Variants in RAD51 observed in about 807,000 individuals in gnomAD.
RAD51 encodes DNA repair protein RAD51 homolog 1.
In RAD51, 14 loss-of-function variants were observed where a neutral mutation model predicts 41.5. The ratio of observed to expected loss-of-function variants is 0.34; its 90% CI spans 0.22 to 0.53. RAD51 has a LOEUF of 0.53. Among genes scored for constraint, RAD51 ranks in the 20% least tolerant of loss-of-function variants. The pLI, the probability that RAD51 is intolerant of heterozygous loss-of-function variation, is 0.95. For missense variants in RAD51, 234 were observed against 422.0 expected, an observed-to-expected ratio of 0.55 and a Z score of 3.90; for synonymous variants, 136 against 148.6, an observed-to-expected ratio of 0.92 and a Z score of 0.62.
chr15:40,701,211 GCTTA>G lies in RAD51; in HGVS notation c.225+15_225+18del. 2 of 1,613,844 alleles carry G rather than the reference GCTTA, an allele frequency of 1.2e-6. No individual in the cohort carries two copies. The highest frequency in any genetic ancestry group is 1.7e-6 in the Non-Finnish European group (2 of 1,179,750). ...AGCTGATAAAATTCTGGTAAGTACT[GCTTA>G]CTTAACCTAGGGAGGCATTAGTGGG... On this transcript the variant is annotated intron_variant, in intron 3 of 9. Transcript: ENST00000267868.
chr15:40,702,757 A>G (rs868409561), intron 3 of RAD51, among the ~76,000 whole-genome samples: 5 of 151,034 alleles, frequency 3.3e-5, no homozygotes, highest in Middle Eastern at 3.5e-3. Flanking sequence ...GCCTCAAGCA[A>G]TCTGCCCACC....
chr15:40,700,994 G>C (rs1451547371), intron 2 of RAD51, 70 bp from the exon 3 acceptor site: 4 of 1,548,700 alleles, frequency 2.6e-6, no homozygotes, highest in Non-Finnish European at 3.5e-6. Context: ...GAAGTATGTA[G>C]GACACATAAC....
chr15:40,698,160 A>C (rs1043857634), intron 1 of RAD51, among the ~76,000 whole-genome samples: 3 of 145,288 alleles, frequency 2.1e-5, no homozygotes, highest in Non-Finnish European at 4.5e-5. Flanking sequence ...CCACTGTTCT[A>C]TTTGTTCCTT....
chr15:40,708,520 A>G (rs1895499709), intron 4 of RAD51, among the ~76,000 whole-genome samples: 1 of 150,642 alleles, frequency 6.6e-6, no homozygotes, highest in Non-Finnish European at 1.5e-5. Context: ...GAGCCACCGC[A>G]CCTGGCCTTA....
intron 5 of RAD51, among the ~76,000 whole-genome samples, chr15:40,710,284 A>AT (rs1359139136): frequency 1.3e-5 from 2 of 148,288 alleles, no homozygotes; most frequent in Non-Finnish European, 3.0e-5. Flanking sequence ...GAAGAAAAAA[A>AT]AAAGATCAGG....
At chr15:40,720,657 C>T (rs528916176) in intron 6 of RAD51, among the ~76,000 whole-genome samples, 197 of 151,562 alleles carry the variant, frequency 1.3e-3, no homozygotes, top group African/African-American at 4.6e-3. Flanking sequence ...TATCAATATA[C>T]GAAAATCCAT....
At chr15:40,696,598 A>T (rs1894653420) in intron 1 of RAD51, among the ~76,000 whole-genome samples, 1 of 152,184 alleles carries the variant, frequency 6.6e-6, no homozygotes, top group African/African-American at 2.4e-5. Context: ...CACTTAATAG[A>T]ATGGTCCTCA....
At chr15:40,715,327 C>G (rs1197485263) in intron 5 of RAD51, among the ~76,000 whole-genome samples, 1 of 151,824 alleles carries the variant, frequency 6.6e-6, no homozygotes, top group African/African-American at 2.4e-5. Flanking sequence ...TGCACTCCAG[C>G]CTGGGCAACA....
chr15:40,698,093 A>G (rs1174174785), intron 1 of RAD51, among the ~76,000 whole-genome samples: 1 of 151,002 alleles, frequency 6.6e-6, no homozygotes, highest in Admixed American at 6.6e-5. Context: ...CTGTTGACCA[A>G]CCTCTCTCCT....
chr15:40,716,558 G>T (rs1270858163), intron 5 of RAD51, among the ~76,000 whole-genome samples: 1 of 151,394 alleles, frequency 6.6e-6, no homozygotes, highest in Admixed American at 6.6e-5. Flanking sequence ...TAGAGACAGG[G>T]TTTCACCATT....
intron 5 of RAD51, among the ~76,000 whole-genome samples, chr15:40,710,331 G>T (rs1291900857): frequency 1.4e-5 from 2 of 140,536 alleles, no homozygotes; most frequent in Non-Finnish European, 3.1e-5. Flanking sequence ...GTGAAACCCT[G>T]TCTCTACTAA....
At chr15:40,723,975 C>T (rs1896409952) in intron 6 of RAD51, among the ~76,000 whole-genome samples, 1 of 152,214 alleles carries the variant, frequency 6.6e-6, no homozygotes, top group Non-Finnish European at 1.5e-5. Context: ...AGTGATAAAA[C>T]AATTTAATTG....
At chr15:40,701,582 C>A (rs1183555158) in intron 3 of RAD51, among the ~76,000 whole-genome samples, 1 of 151,820 alleles carries the variant, frequency 6.6e-6, no homozygotes, top group Non-Finnish European at 1.5e-5. Flanking sequence ...TCACCTACCT[C>A]AGCCTCCCAA....
intron 3 of RAD51, among the ~76,000 whole-genome samples, chr15:40,703,673 C>A (rs974731248): frequency 6.6e-6 from 1 of 151,680 alleles, no homozygotes; most frequent in African/African-American, 2.4e-5. Context: ...AGTAATGTCC[C>A]CTCTTTCATT....
At chr15:40,700,261 G>C (rs541000481) in intron 2 of RAD51, among the ~76,000 whole-genome samples, 1 of 152,286 alleles carries the variant, frequency 6.6e-6, no homozygotes, top group South Asian at 2.1e-4. Flanking sequence ...GGAAGAAAGA[G>C]GTGTCTTTGG....
rs750760511 is a variant in RAD51 at position 40,731,085 on chromosome 15, C to A, written c.927C>A (p.Thr309=). ...RLYLRKGRGE[T]RICKIYDSPC... ...ATCTGAGGAAAGGAAGAGGGGAAACCAGAATCTGCAAAATCTACGACTCTC... is the reference window on the plus strand; with the variant it reads ...ATCTGAGGAAAGGAAGAGGGGAAACAAGAATCTGCAAAATCTACGACTCTC... The change falls in exon 10 of 10, where the codon ACC becomes ACA. Residue 309 remains threonine, a synonymous_variant. Coordinates refer to ENST00000267868, the MANE Select transcript of RAD51 (RefSeq NM_002875.5). The A allele has an allele frequency of 2.5e-6, 4 of 1,613,976 alleles. No individual in the cohort carries two copies. In the East Asian group the frequency reaches 6.7e-5, roughly 27 times the overall value.
chr15:40,710,162 AACCC>A (rs1895601639), intron 5 of RAD51, among the ~76,000 whole-genome samples: 1 of 146,584 alleles, frequency 6.8e-6, no homozygotes, highest in Non-Finnish European at 1.5e-5. Flanking sequence ...GAATGGCGTG[AACCC>A]GGGAGGCACA....
At chr15:40,720,424 A>G (rs934035391) in intron 6 of RAD51, among the ~76,000 whole-genome samples, 10 of 152,098 alleles carry the variant, frequency 6.6e-5, no homozygotes, top group Admixed American at 6.6e-5. Context: ...TAAAGTCAGT[A>G]ACAAGGCAAG....
chr15:40,725,090 G>A (rs1197257429), intron 6 of RAD51, among the ~76,000 whole-genome samples: 4 of 151,488 alleles, frequency 2.6e-5, no homozygotes, highest in Non-Finnish European at 4.4e-5. Context: ...TAGTAGAGAC[G>A]GGGTTTCACC....
Sources: gnomAD v4.1 joint callset for allele counts (sites outside exome capture counted in the v4.1 genomes callset) on GRCh38, gnomAD v4.1.1 for gene constraint, MANE v1.5 for transcripts, NCBI Gene and HGNC (gene_info 2026-07-23, HGNC 2026-07-21) for gene names.